Variants in CCNK observed in about 807,000 individuals in gnomAD.
CCNK encodes cyclin K, also known as cyclin-K.
In CCNK, 9 loss-of-function variants were observed where a neutral mutation model predicts 65.0. The ratio of observed to expected loss-of-function variants is 0.14; its 90% CI spans 0.08 to 0.24. CCNK has a LOEUF of 0.24. Ranked by LOEUF, CCNK falls within the 10% of genes least tolerant of loss-of-function variation. The probability of loss-of-function intolerance (pLI) is 1.00; values close to 1 mark genes in which losing one functional copy is unlikely to be tolerated. For synonymous variants in CCNK, 279 were observed against 270.8 expected, an observed-to-expected ratio of 1.03 and a Z score of -0.30; for missense variants, 474 against 720.0, an observed-to-expected ratio of 0.66 and a Z score of 3.91.
At chr14:99,501,462 A>G (rs1372479261) in intron 6 of CCNK, 49 bp downstream of exon 6, 1 of 1,212,752 alleles carries the variant, frequency 8.2e-7, no homozygotes, top group Admixed American at 1.7e-5. Context: ...AAATAGGCAG[A>G]GACTTTATGG....
intron 1 of CCNK, among the ~76,000 whole-genome samples, chr14:99,488,085 G>A (rs187999821): frequency 6.6e-6 from 1 of 152,080 alleles, no homozygotes; most frequent in African/African-American, 2.4e-5. Context: ...TTGAAAGTAG[G>A]TTGCAGACAT....
chr14:99,492,710 A>G lies in CCNK; in HGVS notation c.33A>G (p.Ser11=), dbSNP rs2069484. MKENKENSSP[S]VTSANLDHTK... Reference sequence around the variant, plus strand: ...AGAATAAAGAAAATTCAAGCCCTTCAGTAACTTCAGCAAACCTGGACCACA... The same window carrying G: ...AGAATAAAGAAAATTCAAGCCCTTCGGTAACTTCAGCAAACCTGGACCACA... Residue 11 remains serine, a synonymous_variant, in exon 2 of 11, where the codon TCA becomes TCG. Coordinates refer to ENST00000389879, the MANE Select transcript of CCNK (RefSeq NM_001099402.2). The G allele has an allele frequency of 5.9e-4, 957 of 1,610,292 alleles. No homozygotes were observed. Among genetic ancestry groups the G allele is most frequent in the Admixed American group, 8.2e-4 (48 of 58,780 alleles).
intron 1 of CCNK, among the ~76,000 whole-genome samples, chr14:99,491,685 A>G (rs1437500691): frequency 6.6e-6 from 1 of 152,242 alleles, no homozygotes; most frequent in African/African-American, 2.4e-5. Flanking sequence ...CTTCCCCACC[A>G]GAAATGAGGC....
chr14:99,510,183 T>G lies in CCNK; in HGVS notation c.1144T>G (p.Leu382Val). 6.3e-7 allele frequency: 1 copy of G among 1,599,268 alleles called. No homozygotes were observed. The highest frequency in any genetic ancestry group is 8.5e-7 in the Non-Finnish European group (1 of 1,176,036). Reference protein sequence around the residue: ...PDRKPPLAAALGEAEPPGPVD... With the variant: ...PDRKPPLAAAVGEAEPPGPVD... ...CCGGAAGCCTCCCCTCGCTGCTGCCTTAGGTGAGGCTGAGCCGCCGGGCCC... is the reference window on the plus strand; with the variant it reads ...CCGGAAGCCTCCCCTCGCTGCTGCCGTAGGTGAGGCTGAGCCGCCGGGCCC... The change falls in exon 11 of 11, where the codon TTA (leucine) becomes GTA (valine). Residue 382 changes from leucine to valine, a missense_variant. Coordinates refer to ENST00000389879, the MANE Select transcript of CCNK (RefSeq NM_001099402.2).
At chr14:99,495,199 G>T in intron 3 of CCNK, 1 of 202,792 alleles carries the variant, frequency 4.9e-6, no homozygotes, top group Non-Finnish European at 1.0e-5. Flanking sequence ...GTTAATTTCA[G>T]ATTGGAATAT....
intron 4 of CCNK, among the ~76,000 whole-genome samples, chr14:99,498,566 G>A (rs1275960453): frequency 6.6e-6 from 1 of 152,124 alleles, no homozygotes; most frequent in Non-Finnish European, 1.5e-5. Flanking sequence ...TAATTGTGTG[G>A]CTTTTCTCTG....
intron 4 of CCNK, among the ~76,000 whole-genome samples, chr14:99,497,491 G>A (rs1443855902): frequency 6.6e-6 from 1 of 152,176 alleles, no homozygotes; most frequent in Non-Finnish European, 1.5e-5. Context: ...TATCTGTTTT[G>A]TCTAATGCCT....
intron 1 of CCNK, among the ~76,000 whole-genome samples, chr14:99,486,638 G>T (rs781333627): frequency 1.1e-4 from 16 of 152,100 alleles, no homozygotes; most frequent in Admixed American, 2.6e-4. Context: ...TTTTTCTCTT[G>T]TCTTATCCAT....
At chr14:99,493,681 C>A in intron 3 of CCNK, 86 bp downstream of exon 3, 1 of 895,210 alleles carries the variant, frequency 1.1e-6, no homozygotes, top group Non-Finnish European at 1.7e-6. Context: ...CTCTATTTTT[C>A]TCATATTTTC....
In CCNK at chr14:99,490,458, C is replaced by CT. The variant is rs1335743043; in HGVS notation, c.-52-2167dup. Among the ~76,000 whole-genome samples, 21 of 152,312 alleles carry CT rather than the reference C, an allele frequency of 1.4e-4. 1 individual carries two copies. Among genetic ancestry groups the CT allele is most frequent in the Middle Eastern group, 6.8e-3 (2 of 294 alleles). On this transcript the variant is annotated intron_variant, in intron 1 of 10. Coordinates refer to ENST00000389879, the MANE Select transcript of CCNK (RefSeq NM_001099402.2). ...AGTGAAGGGTATAGACAAAACTCAT[C>CT]TATCTTTACAGCTCTTCTGTAAACG...
rs1015053067 is a variant in CCNK, at chr14:99,495,728, C to T, written c.411+99C>T. 12 of 1,115,696 alleles carry T rather than the reference C, an allele frequency of 1.1e-5. No homozygotes were observed. In the Admixed American group the frequency reaches 1.1e-4, roughly 10 times the overall value. The allele number at this position is 1,115,696 out of a possible 1,614,324, so 69.1% of individuals were successfully genotyped here. On this transcript the variant is annotated intron_variant, in intron 4 of 10. Transcript: ENST00000389879. ...CAGTGCCTGTAGCCCTTGTGTCTGC[C>T]AGTCTCTTGAGTTCCTAAGAGGGCC...
chr14:99,493,848 CT>C, intron 3 of CCNK: 1 of 313,216 alleles, frequency 3.2e-6, no homozygotes, highest in Non-Finnish European at 5.9e-6. Flanking sequence ...CCCGTGGTAC[CT>C]TTCCCAGCAT....
At chr14:99,485,765 C>G (rs763198387) in intron 1 of CCNK, among the ~76,000 whole-genome samples, 2 of 152,162 alleles carry the variant, frequency 1.3e-5, no homozygotes, top group Non-Finnish European at 2.9e-5. Flanking sequence ...GAGGCTGAGG[C>G]AGGAGAATCA....
intron 10 of CCNK, chr14:99,509,791 T>C: frequency 3.2e-6 from 1 of 307,712 alleles, no homozygotes; most frequent in Non-Finnish European, 6.0e-6. Flanking sequence ...CCCTGACCCC[T>C]GGGGTCAGTT....
At chr14:99,497,786 A>T (rs1595311591) in intron 4 of CCNK, among the ~76,000 whole-genome samples, 1 of 152,360 alleles carries the variant, frequency 6.6e-6, no homozygotes, top group East Asian at 1.9e-4. Flanking sequence ...GTTGTGATTA[A>T]CACTAGTATT....
In CCNK at chr14:99,501,945, C is replaced by T. The variant is rs569914357; in HGVS notation, c.576-262C>T. On this transcript the variant is annotated intron_variant, in intron 6 of 10. Coordinates refer to ENST00000389879, the MANE Select transcript of CCNK (RefSeq NM_001099402.2). ...TTTCAACAGTTTAAATAACATAAGT[C>T]ATTTTCATTGGTGTAGCAATTTTTG... is the stretch of plus-strand genomic sequence containing the variant. 81 of 320,144 alleles carry T rather than the reference C, an allele frequency of 2.5e-4. 1 individual carries two copies. The highest frequency in any genetic ancestry group is 1.9e-3 in the Middle Eastern group (2 of 1,072). The allele number at this position is 320,144 out of a possible 1,614,324, so 19.8% of individuals were successfully genotyped here. A position where few individuals can be genotyped will look rare whatever the true frequency, so the allele number is the denominator to read the frequency against.
chr14:99,483,118 A>G (rs558412565), intron 1 of CCNK, among the ~76,000 whole-genome samples: 1 of 152,234 alleles, frequency 6.6e-6, no homozygotes, highest in Admixed American at 6.5e-5. Context: ...GTTTTCACAT[A>G]GAACCATTCG....
rs1375489452 is a variant in CCNK at position 99,492,661 on chromosome 14, C to T, written c.-17C>T. 71 of 1,585,702 alleles carry T rather than the reference C, an allele frequency of 4.5e-5. No homozygotes were observed. Among genetic ancestry groups the T allele is most frequent in the Non-Finnish European group, 5.9e-5 (69 of 1,170,624 alleles). On this transcript the variant is annotated 5_prime_UTR_variant, in exon 2 of 11. Coordinates refer to ENST00000389879, the MANE Select transcript of CCNK (RefSeq NM_001099402.2). ...TTTTCAGAGAACCTTTTGGAAAGAACAAGCCTACTTCAATAAATGAAGGAG... is the reference window on the plus strand; with the variant it reads ...TTTTCAGAGAACCTTTTGGAAAGAATAAGCCTACTTCAATAAATGAAGGAG...
intron 1 of CCNK, among the ~76,000 whole-genome samples, chr14:99,485,021 C>G (rs1367351820): frequency 1.3e-5 from 2 of 152,152 alleles, no homozygotes; most frequent in East Asian, 1.9e-4. Context: ...AAACTTACAA[C>G]TTTAGGGTCT....
Sources: allele counts gnomAD v4.1 joint callset (sites outside exome capture counted in the v4.1 genomes callset), GRCh38; gene constraint gnomAD v4.1.1; transcripts MANE v1.5; gene names NCBI Gene and HGNC (gene_info 2026-07-23, HGNC 2026-07-21).